Variants in AAAS observed in about 807,000 individuals in gnomAD.
The protein encoded by AAAS is aladin.
Under a neutral mutation model 75.6 loss-of-function variants are expected in AAAS, and 60 were observed. The observed-to-expected ratio is 0.79, with a 90% CI of 0.64 to 0.98. AAAS has a LOEUF of 0.98. Among genes scored for constraint, AAAS ranks in the 50% least tolerant of loss-of-function variants. The pLI is 0.00. For synonymous variants in AAAS, 271 were observed against 265.0 expected, an observed-to-expected ratio of 1.02 and a Z score of -0.22; for missense variants, 658 against 686.9, an observed-to-expected ratio of 0.96 and a Z score of 0.47.
rs745592391 is a variant in AAAS, at chr12:53,309,183, C to G, written c.909G>C (p.Leu303=). The part of the protein sequence containing the change: ...LLWSPDGSKI[L]ATTPSAVFRV... Reference sequence around the variant, plus strand: ...GAAAGACAGCTGAAGGAGTGGTAGCCAGGATTTTGCTGCCGTCTGGGGACC... The same window carrying G: ...GAAAGACAGCTGAAGGAGTGGTAGCGAGGATTTTGCTGCCGTCTGGGGACC... The change falls in exon 9 of 16, where the codon CTG becomes CTC. Residue 303 remains leucine (L), a synonymous_variant. Coordinates refer to ENST00000209873, the MANE Select transcript of AAAS (RefSeq NM_015665.6). 3 of 1,614,146 alleles carry G rather than the reference C, an allele frequency of 1.9e-6. No homozygotes were observed. The East Asian group carries it at 6.7e-5, about 36-fold the overall frequency.
chr12:53,317,065 G>A (rs1944473737), intron 2 of AAAS, among the ~76,000 whole-genome samples: 1 of 151,944 alleles, frequency 6.6e-6, no homozygotes, highest in African/African-American at 2.4e-5. Context: ...ACTCCACACT[G>A]GGCAACAGAG....
Position 53,307,603 on chromosome 12 carries a change from T to G in AAAS, c.1527A>C (p.Gly509=). 6.2e-7 allele frequency: 1 copy of G among 1,614,140 alleles called. No individual in the cohort carries two copies. Among genetic ancestry groups the G allele is most frequent in the Non-Finnish European group, 8.5e-7 (1 of 1,179,990 alleles). ...AGAGGGGCAGGTCATGAATAGAGCCTCCACCCCCAGCAGGGGGTTCCTGGG... is the reference window on the plus strand; with the variant it reads ...AGAGGGGCAGGTCATGAATAGAGCCGCCACCCCCAGCAGGGGGTTCCTGGG... The part of the protein sequence containing the change: ...GRAQEPPAGG[G]GSIHDLPLFT... Residue 509 remains glycine (G), a synonymous_variant, in exon 16 of 16, where the codon GGA becomes GGC. Transcript: ENST00000209873.
At position 53,308,450 on chromosome 12, in the gene AAAS, G is replaced by C; in HGVS notation, c.1166C>G (p.Pro389Arg). 1.9e-6 allele frequency: 3 copies of C among 1,614,112 alleles called. No individual in the cohort carries two copies. The highest frequency in any genetic ancestry group is 2.5e-6 in the Non-Finnish European group (3 of 1,180,032). ...CTCAGCTCACCTCTCCTCACCATCT[G>C]GTGTCTGTATTGTTGTCTCAGACAG... ...ADLSETTIQT[P>R]DGEERLGGEA... The change falls in exon 12 of 16, where the codon CCA becomes CGA. Residue 389 changes from proline to arginine, a missense_variant. By Grantham distance (103) the Pro-to-Arg change is moderately radical. Coordinates refer to ENST00000209873, the MANE Select transcript of AAAS (RefSeq NM_015665.6).
intron 3 of AAAS, 75 bp from the exon 4 acceptor site, chr12:53,315,501 AG>A: frequency 7.2e-7 from 1 of 1,389,966 alleles, no homozygotes; most frequent in Non-Finnish European, 1.0e-6. Context: ...GTGAAAGACA[AG>A]GAAGGACAGG....
intron 2 of AAAS, among the ~76,000 whole-genome samples, chr12:53,318,660 TATG>T (rs1341753868): frequency 5.3e-5 from 8 of 152,178 alleles, no homozygotes; most frequent in Admixed American, 2.6e-4. Context: ...GAATGAGTAA[TATG>T]ATCATTCCTT....
At chr12:53,318,288 ACT>A (rs1462316441) in intron 2 of AAAS, among the ~76,000 whole-genome samples, 2 of 126,958 alleles carry the variant, frequency 1.6e-5, no homozygotes, top group Non-Finnish European at 3.4e-5. Context: ...ACGGAGTCTC[ACT>A]CTGTCACCCA....
chr12:53,316,094 A>C (rs930102650), intron 2 of AAAS, among the ~76,000 whole-genome samples: 2 of 152,246 alleles, frequency 1.3e-5, no homozygotes, highest in Non-Finnish European at 2.9e-5. Flanking sequence ...GGAGAAGAAT[A>C]AACAGATCAC....
chr12:53,309,550 G>A (rs1944353042), intron 8 of AAAS, 51 bp downstream of exon 8: 1 of 1,612,458 alleles, frequency 6.2e-7, no homozygotes, highest in East Asian at 2.2e-5. Context: ...ACCGAGTGAG[G>A]AACACTTTTG....
At position 53,308,526 on chromosome 12, in the gene AAAS, C is replaced by CAGGTGAGG. The variant is rs754689160; in HGVS notation, c.1089_1090insCCTCACCT (p.Glu364ProfsTer55). Reference sequence around the variant, plus strand: ...GCACCTCCAACGCACCCCTTTCCCTCACCTGTGGACAAATAAGAGCAGAGA... The same window carrying CAGGTGAGG: ...GCACCTCCAACGCACCCCTTTCCCTCAGGTGAGGACCTGTGGACAAATAAGAGCAGAGA... On this transcript the variant is annotated frameshift_variant and splice_region_variant, in exon 12 of 16. Transcript: ENST00000209873. LOFTEE classifies it high-confidence loss of function. 3 of 1,614,194 alleles carry CAGGTGAGG rather than the reference C, an allele frequency of 1.9e-6. No homozygotes were observed. In the South Asian group the frequency reaches 3.3e-5, roughly 18 times the overall value.
intron 1 of AAAS, chr12:53,321,076 GTTCTCCCGCATCCTCACACTCCCTAGA>G: frequency 3.4e-6 from 2 of 585,310 alleles, no homozygotes; most frequent in Non-Finnish European, 5.9e-6. Flanking sequence ...CTTTTAGATA[GTTCTCCCGCATCCTCACACTCCCTAGA>G]TTCTCCCTCA....
At chr12:53,314,172 C>G in intron 7 of AAAS, 126 bp downstream of exon 7, 1 of 1,390,886 alleles carries the variant, frequency 7.2e-7, no homozygotes. Context: ...CTTACTTCTG[C>G]TTTTCCCATA....
chr12:53,317,110 G>C (rs962279265), intron 2 of AAAS, among the ~76,000 whole-genome samples: 1 of 151,200 alleles, frequency 6.6e-6, no homozygotes, highest in Non-Finnish European at 1.5e-5. Flanking sequence ...AATAATAATA[G>C]AGAAAAATAA....
rs1944356779 is a variant in AAAS, at chr12:53,309,718, G to A, written c.693C>T (p.Pro231=). Residue 231 remains proline, a synonymous_variant, in exon 8 of 16, where the codon CCC becomes CCT. Coordinates refer to ENST00000209873, the MANE Select transcript of AAAS (RefSeq NM_015665.6). ...TLDPTSLSTR[P]SSGCAQVLSH... ...ACAGCACTTGGGCACAGCCAGAAGA[G>A]GGTCTGGAGGGGAACACAGAGGATG... is the stretch of plus-strand genomic sequence containing the variant. 2 of 1,612,916 alleles carry A rather than the reference G, an allele frequency of 1.2e-6. No individual in the cohort carries two copies. The highest frequency in any genetic ancestry group is 1.3e-5 in the African/African-American group (1 of 74,926).
intron 4 of AAAS, 97 bp from the exon 5 acceptor site, chr12:53,315,237 G>A: frequency 6.3e-7 from 1 of 1,594,984 alleles, no homozygotes; most frequent in Non-Finnish European, 8.6e-7. Flanking sequence ...ACCCTCTGAA[G>A]TCATCACACC....
intron 3 of AAAS, 41 bp downstream of exon 3, chr12:53,315,686 T>C: frequency 1.2e-6 from 2 of 1,606,718 alleles, no homozygotes; most frequent in Non-Finnish European, 1.7e-6. Flanking sequence ...GGAGAGGAGA[T>C]AACCACAAAA....
chr12:53,315,633 AAG>A, intron 3 of AAAS, 92 bp downstream of exon 3: 1 of 1,483,022 alleles, frequency 6.7e-7, no homozygotes. Context: ...ATAGGGCTAA[AAG>A]AGGCTGAGCC....
Position 53,315,728 on chromosome 12 carries a change from C to A in AAAS, c.306G>T (p.Glu102Asp), listed in dbSNP as rs1269617851. The A allele has an allele frequency of 6.2e-7, 1 of 1,613,658 alleles. No individual in the cohort carries two copies. Among genetic ancestry groups the A allele is most frequent in the Non-Finnish European group, 8.5e-7 (1 of 1,179,844 alleles). ...AAGGCTGGAGGGAAAAATACTTACCCTCTTCTTCTGAGTTTGCAATTTCAT... is the reference window on the plus strand; with the variant it reads ...AAGGCTGGAGGGAAAAATACTTACCATCTTCTTCTGAGTTTGCAATTTCAT... ...VLNEIANSEE[E>D]VFEWVKTASG... Residue 102 changes from glutamate to aspartate, a missense_variant and splice_region_variant, in exon 3 of 16, where the codon GAG (glutamate) becomes GAT (aspartate). Coordinates refer to ENST00000209873, the MANE Select transcript of AAAS (RefSeq NM_015665.6).
In AAAS at chr12:53,314,415, C is replaced by G. The variant is rs756489312; in HGVS notation, c.572G>C (p.Arg191Pro). 6 of 1,613,966 alleles carry G rather than the reference C, an allele frequency of 3.7e-6. No individual in the cohort carries two copies. The highest frequency in any genetic ancestry group is 5.1e-6 in the Non-Finnish European group (6 of 1,180,044). ...CAGAGACGCCACATTTCGCTGCAGC[C>G]GGTGCTTCAGGGAGGGGACTATGGT... is the stretch of plus-strand genomic sequence containing the variant. ...SSTIVPSLKH[R>P]LQRNVASLAW... Residue 191 changes from arginine to proline, a missense_variant, in exon 7 of 16, where the codon CGG becomes CCG. By Grantham distance (103) the Arg-to-Pro change is moderately radical (BLOSUM62 -2). Transcript: ENST00000209873.
chr12:53,309,578 A>G (rs368256129), intron 8 of AAAS, 23 bp downstream of exon 8: 32 of 1,613,426 alleles, frequency 2.0e-5, no homozygotes, highest in African/African-American at 2.7e-5. Flanking sequence ...TGAAATGTGC[A>G]TGAGGGGCAG....
Sources: gnomAD v4.1 joint callset for allele counts (sites outside exome capture counted in the v4.1 genomes callset) on GRCh38, gnomAD v4.1.1 for gene constraint, MANE v1.5 for transcripts, NCBI Gene and HGNC (gene_info 2026-07-23, HGNC 2026-07-21) for gene names.